The following HERC1 variants were observed in gnomAD, a reference collection of about 807,000 sequenced individuals.
The protein encoded by HERC1 is probable E3 ubiquitin-protein ligase HERC1.
Under a neutral mutation model 554.3 loss-of-function variants are expected in HERC1, and 160 were observed. The observed-to-expected ratio is 0.29, with a 90% confidence interval of 0.25 to 0.33. The LOEUF (loss-of-function observed/expected upper bound fraction) is 0.33, where lower values mean the gene tolerates loss of function less well. HERC1 is among the 10% of genes least tolerant of loss of function. HERC1 has a pLI of 1.00. For synonymous variants in HERC1, 2,175 were observed against 2,131.7 expected, an observed-to-expected ratio of 1.02 and a Z score of -0.56; for missense variants, 4,919 against 5,918.5, an observed-to-expected ratio of 0.83 and a Z score of 5.54.
intron 1 of HERC1, among the ~76,000 whole-genome samples, chr15:63,828,407 T>C (rs1335997714): frequency 6.6e-6 from 1 of 152,106 alleles, no homozygotes; most frequent in Admixed American, 6.5e-5. Flanking sequence ...TGGCGTGATC[T>C]TGGCATACCG....
intron 52 of HERC1, 102 bp from the exon 53 acceptor site, chr15:63,651,482 AAC>A: frequency 1.8e-6 from 2 of 1,087,158 alleles, no homozygotes; most frequent in Non-Finnish European, 2.6e-6. Context: ...TAGAGTGTAT[AAC>A]TGATTCTTCT....
chr15:63,608,902 C>T lies in HERC1; in HGVS notation c.*179G>A, dbSNP rs1395521430. The stretch of plus-strand genomic sequence containing the variant: ...CGTTTTTGTTGTTTTTGTACAATCA[C>T]AGAAAAATAAAAACATCTAATTTCT... On this transcript the variant is annotated 3_prime_UTR_variant, in exon 78 of 78. Transcript: ENST00000443617. The T allele has an allele frequency of 1.4e-5, 7 of 510,402 alleles. No homozygotes were observed. Among genetic ancestry groups the T allele is most frequent in the Non-Finnish European group, 2.2e-5 (7 of 318,632 alleles). 31.6% of individuals were successfully genotyped at this position (510,402 alleles called of 1,614,324 possible).
At chr15:63,791,691 T>C (rs961473762) in intron 1 of HERC1, among the ~76,000 whole-genome samples, 1 of 152,192 alleles carries the variant, frequency 6.6e-6, no homozygotes, top group African/African-American at 2.4e-5. Flanking sequence ...TAAAATCAAT[T>C]CGATGTCTAA....
chr15:63,628,648 T>G, intron 70 of HERC1, 29 bp downstream of exon 70: 1 of 1,591,554 alleles, frequency 6.3e-7, no homozygotes, highest in Non-Finnish European at 8.6e-7. Context: ...AAAGAAACGC[T>G]GCAGGAGCAT....
intron 1 of HERC1, among the ~76,000 whole-genome samples, chr15:63,808,397 C>A (rs1057497754): frequency 1.3e-5 from 2 of 152,164 alleles, no homozygotes; most frequent in African/African-American, 4.8e-5. Context: ...AAGTGATCCT[C>A]CTGCCTCAGC....
chr15:63,688,900 G>C (rs1168849161), intron 33 of HERC1, among the ~76,000 whole-genome samples: 1 of 152,176 alleles, frequency 6.6e-6, no homozygotes, highest in Non-Finnish European at 1.5e-5. Flanking sequence ...GGAAGGGTTT[G>C]AGGGGGAGAC....
At chr15:63,632,552 A>G (rs1169272194) in intron 68 of HERC1, 157 bp downstream of exon 68, 1 of 693,514 alleles carries the variant, frequency 1.4e-6, no homozygotes, top group Non-Finnish European at 2.6e-6. Context: ...AGCACATGAA[A>G]GAGAAGTGGA....
In HERC1 at chr15:63,640,333, G is replaced by A; in HGVS notation, c.11720C>T (p.Pro3907Leu). The part of the protein sequence containing the change: ...DQLLCNPPVP[P>L]HHQNCLPDPA... The stretch of plus-strand genomic sequence containing the variant: ...GTCAGGGAGACAGTTCTGGTGGTGT[G>A]GTGGCACTGGAGGGTTACACAACAG... The change falls in exon 61 of 78, where the codon CCA (proline) becomes CTA (leucine). Residue 3907 changes from proline to leucine, a missense_variant. This residue lies in a region of HERC1 where 1,963 missense variants were observed against 2,228.6 expected (regional missense o/e 0.88). Transcript: ENST00000443617. 1 of 1,613,884 alleles carries A rather than the reference G, an allele frequency of 6.2e-7. No individual in the cohort carries two copies. The highest frequency in any genetic ancestry group is 8.5e-7 in the Non-Finnish European group (1 of 1,179,808).
rs778579502 is a variant in HERC1, at chr15:63,615,800, T to C, written c.14062A>G (p.Ile4688Val). ...SNRKEYVERA[I>V]EYRLHEMDRQ... ...TCCATCTCATGAAGTCGATATTCAA[T>C]GGCCCTCTCCACATATTCCTTCCTG... Residue 4688 changes from isoleucine to valine, a missense_variant, in exon 76 of 78, where the codon ATT (isoleucine) becomes GTT (valine). Coordinates refer to ENST00000443617, the MANE Select transcript of HERC1 (RefSeq NM_003922.4). The C allele has an allele frequency of 1.9e-6, 3 of 1,604,520 alleles. No homozygotes were observed. The highest frequency in any genetic ancestry group is 2.7e-5 in the African/African-American group (2 of 74,416).
At position 63,718,558 on chromosome 15, in the gene HERC1, T is replaced by C. The variant is rs774248151; in HGVS notation, c.3978+16A>G. 5.9e-6 allele frequency: 9 copies of C among 1,533,250 alleles called. No homozygotes were observed. Among genetic ancestry groups the C allele is most frequent in the Non-Finnish European group, 7.9e-6 (9 of 1,133,904 alleles). 95.0% of individuals were successfully genotyped at this position (1,533,250 alleles called of 1,614,324 possible). A position where few individuals can be genotyped will look rare whatever the true frequency, so the allele number is the denominator to read the frequency against. ...CTTGCAGAAAAACATAGAAATTAAT[T>C]GATTTCAAACTTTACCCATCTGTCC... On this transcript the variant is annotated intron_variant, in intron 21 of 77. Transcript: ENST00000443617. This position sits in a 1 kb window ranked among gnomAD's most constrained non-coding sequence, Gnocchi z 4.2.
In HERC1 at chr15:63,694,060, G is replaced by A; in HGVS notation, c.5578C>T (p.His1860Tyr). 1.2e-6 allele frequency: 2 copies of A among 1,607,956 alleles called. No individual in the cohort carries two copies. The highest frequency in any genetic ancestry group is 8.5e-7 in the Non-Finnish European group (1 of 1,177,016). ...KNLLSQTGVL[H>Y]MASFGEGEQE... Reference sequence around the variant, plus strand: ...TCCCCTTCTCCGAAAGAGGCCATATGTAGTACACCAGTTTGGGACAATAAA... The same window carrying A: ...TCCCCTTCTCCGAAAGAGGCCATATATAGTACACCAGTTTGGGACAATAAA... The change falls in exon 30 of 78, where the codon CAT (histidine) becomes TAT (tyrosine). Residue 1860 changes from histidine (H) to tyrosine (Y), a missense_variant. Around this residue, in one of 11 missense-constraint regions of HERC1, gnomAD observed 1,121 missense variants for 1,244.0 expected, o/e 0.90. Transcript: ENST00000443617. This position sits in a 1 kb window ranked among gnomAD's most constrained non-coding sequence, Gnocchi z 4.3.
intron 75 of HERC1, 49 bp downstream of exon 75, chr15:63,616,381 G>A: frequency 1.3e-6 from 2 of 1,575,460 alleles, no homozygotes; most frequent in Non-Finnish European, 1.7e-6. Context: ...TCTAGTCTGT[G>A]CATATAGGAC....
At chr15:63,631,948 A>C (rs1186542407) in intron 68 of HERC1, among the ~76,000 whole-genome samples, 1 of 152,134 alleles carries the variant, frequency 6.6e-6, no homozygotes, top group Admixed American at 6.5e-5. Flanking sequence ...TTTTTAGATG[A>C]TACGAATAAG....
At chr15:63,766,802 C>T (rs1044831373) in intron 2 of HERC1, among the ~76,000 whole-genome samples, 3 of 151,990 alleles carry the variant, frequency 2.0e-5, no homozygotes, top group Non-Finnish European at 2.9e-5. Context: ...CTCAGTCTCC[C>T]GAGTAGCTGG....
At chr15:63,710,641 C>T (rs185951028) in intron 24 of HERC1, among the ~76,000 whole-genome samples, 2 of 152,022 alleles carry the variant, frequency 1.3e-5, no homozygotes, top group East Asian at 3.9e-4. Context: ...AAAAACAAAG[C>T]AAGGCAAGGG....
At position 63,666,723 on chromosome 15, in the gene HERC1, T is replaced by C. The variant is rs62014171; in HGVS notation, c.8207-251A>G. Among the ~76,000 whole-genome samples, 21,947 of 152,152 alleles carry C rather than the reference T, an allele frequency of 0.14. 2,081 individuals are homozygous for C. The highest frequency in any genetic ancestry group is 0.22 in the Middle Eastern group (63 of 292). On this transcript the variant is annotated intron_variant, in intron 40 of 77. Transcript: ENST00000443617. ...GTAAATAACCCACTCCTCATCCAAG[T>C]TCCATATTTGTAAATCTGTATACTC...
intron 1 of HERC1, among the ~76,000 whole-genome samples, chr15:63,797,484 T>C (rs1313949193): frequency 1.3e-5 from 2 of 152,210 alleles, no homozygotes; most frequent in African/African-American, 2.4e-5. Context: ...TGTGGCCCTA[T>C]GCAGAGGCAG....
In HERC1 at chr15:63,758,398, TAGTC is replaced by T. The variant is rs1234384039; in HGVS notation, c.1027-33_1027-30del. The T allele has an allele frequency of 6.6e-7, 1 of 1,507,460 alleles. No individual in the cohort carries two copies. Among genetic ancestry groups the T allele is most frequent in the Non-Finnish European group, 9.1e-7 (1 of 1,100,884 alleles). 93.4% of individuals were successfully genotyped at this position (1,507,460 alleles called of 1,614,324 possible). A position where few individuals can be genotyped will look rare whatever the true frequency, so the allele number is the denominator to read the frequency against. On this transcript the variant is annotated intron_variant, in intron 3 of 77. Coordinates refer to ENST00000443617, the MANE Select transcript of HERC1 (RefSeq NM_003922.4). This position sits in a 1 kb window ranked among gnomAD's most constrained non-coding sequence, Gnocchi z 4.0. Reference sequence around the variant, plus strand: ...TTAAAAATTTAAAATATGCAACAAATAGTCAAGACAGTTTTAGTCTGGGCATTTT... The same window carrying T: ...TTAAAAATTTAAAATATGCAACAAATAAGACAGTTTTAGTCTGGGCATTTT...
rs529215657 is a variant in HERC1 at position 63,723,555 on chromosome 15, TC to T, written c.3569-201del. ...TACATTCTCCAAAAGGATGTGACAC[TC>T]TACCAATTGTGACACTCCAAAAAAA... On this transcript the variant is annotated intron_variant, in intron 18 of 77. Coordinates refer to ENST00000443617, the MANE Select transcript of HERC1 (RefSeq NM_003922.4). 1.7e-3 allele frequency among the ~76,000 whole-genome samples: 263 copies of T among 152,316 alleles called. 1 individual carries two copies. Among genetic ancestry groups the T allele is most frequent in the African/African-American group, 6.1e-3 (253 of 41,576 alleles).
Sources: gnomAD v4.1 joint callset for allele counts (sites outside exome capture counted in the v4.1 genomes callset) on GRCh38, gnomAD v4.1.1 for gene constraint, gnomAD v4.1.1 regional missense constraint, Gnocchi (gnomAD v3.1) non-coding constraint, MANE v1.5 for transcripts, NCBI Gene and HGNC (gene_info 2026-07-23, HGNC 2026-07-21) for gene names.